Variants in NCF4 observed in about 807,000 individuals in gnomAD.
NCF4 encodes neutrophil cytosol factor 4.
NCF4 carries 30 observed loss-of-function variants against 41.7 expected under a neutral mutation model. The observed-to-expected ratio is 0.72, with a 90% CI of 0.54 to 0.97. The LOEUF is 0.97. NCF4 is among the 50% of genes least tolerant of loss of function. NCF4 has a pLI of 0.00. For missense variants in NCF4, 432 were observed against 460.9 expected (o/e 0.94, Z 0.57); for synonymous variants, 195 against 175.8 (o/e 1.11, Z -0.87).
In NCF4 at chr22:36,872,421, T is replaced by G. The variant is rs772249899; in HGVS notation, c.623T>G (p.Leu208Arg). Residue 208 changes from leucine (L) to arginine (R), a missense_variant, in exon 7 of 10, where the codon CTG becomes CGG. Coordinates refer to ENST00000248899, the MANE Select transcript of NCF4 (RefSeq NM_000631.5). ...CTCAGTCGGATCAACAAAGACTGGC[T>G]GGAGGTGAGTTCAGAAGTGAGGATG... is the stretch of plus-strand genomic sequence containing the variant. The part of the protein sequence containing the change: ...FLLSRINKDW[L>R]EGTVRGATGI... 6.2e-7 allele frequency: 1 copy of G among 1,602,768 alleles called. No individual in the cohort carries two copies. Among genetic ancestry groups the G allele is most frequent in the East Asian group, 2.2e-5 (1 of 44,832 alleles).
Position 36,867,520 on chromosome 22 carries a change from G to T in NCF4, c.342+58G>T, listed in dbSNP as rs1339830554. ...AAGGGCATGCAGTATTGGTGGGGGA[G>T]CCCACGTACCATCCCTGGGTATGGC... is the stretch of plus-strand genomic sequence containing the variant. On this transcript the variant is annotated intron_variant, in intron 4 of 9. Coordinates refer to ENST00000248899, the MANE Select transcript of NCF4 (RefSeq NM_000631.5). 60 of 1,569,630 alleles carry T rather than the reference G, an allele frequency of 3.8e-5. No individual in the cohort carries two copies. In the East Asian group the frequency reaches 1.3e-3, roughly 35 times the overall value.
At chr22:36,861,250 A>T (rs1266590103) in intron 1 of NCF4, 47 bp downstream of exon 1, 1 of 1,548,070 alleles carries the variant, frequency 6.5e-7, no homozygotes, top group Admixed American at 2.0e-5. Flanking sequence ...ACTGCTCCTC[A>T]TAGGCCTTAG....
At chr22:36,877,293 C>T (rs1940213685) in intron 9 of NCF4, among the ~76,000 whole-genome samples, 1 of 152,108 alleles carries the variant, frequency 6.6e-6, no homozygotes, top group Admixed American at 6.5e-5. Context: ...CATACTACCT[C>T]GCCCAGCTAA....
intron 9 of NCF4, among the ~76,000 whole-genome samples, chr22:36,876,681 T>C (rs1289011666): frequency 6.6e-6 from 1 of 152,172 alleles, no homozygotes; most frequent in Admixed American, 6.5e-5. Context: ...GCTACATCAT[T>C]AACATGGCCA....
Position 36,877,670 on chromosome 22 carries a change from C to G in NCF4, c.867C>G (p.Asp289Glu), listed in dbSNP as rs765893996. The change falls in exon 10 of 10, where the codon GAC becomes GAG. Residue 289 changes from aspartate to glutamate, a missense_variant. Transcript: ENST00000248899. ...QREDIALNYR[D>E]AEGDLVRLLS... ...AGGACATAGCTCTGAATTACCGGGA[C>G]GCTGAGGGGGATCTGGTTCGGCTGC... 1.2e-6 allele frequency: 2 copies of G among 1,614,174 alleles called. No individual in the cohort carries two copies. The highest frequency in any genetic ancestry group is 1.7e-6 in the Non-Finnish European group (2 of 1,180,046).
At chr22:36,873,671 T>G (rs1940132325) in intron 7 of NCF4, among the ~76,000 whole-genome samples, 1 of 152,136 alleles carries the variant, frequency 6.6e-6, no homozygotes, top group Non-Finnish European at 1.5e-5. Context: ...GAGTTTAGTT[T>G]CTTGGTCTGT....
Position 36,861,115 on chromosome 22 carries a change from C to T in NCF4, c.-57C>T. The T allele has an allele frequency of 6.5e-7, 1 of 1,549,304 alleles. No homozygotes were observed. Among genetic ancestry groups the T allele is most frequent in the South Asian group, 1.2e-5 (1 of 84,004 alleles). On this transcript the variant is annotated 5_prime_UTR_variant, in exon 1 of 10. Coordinates refer to ENST00000248899, the MANE Select transcript of NCF4 (RefSeq NM_000631.5). The stretch of plus-strand genomic sequence containing the variant: ...GGCTGGAGGAAGTGAGAGGTGAACT[C>T]AGCCTGGGACTGGCTGGGCGAGACT...
At chr22:36,868,694 C>T (rs2145712932) in intron 4 of NCF4, among the ~76,000 whole-genome samples, 1 of 152,202 alleles carries the variant, frequency 6.6e-6, no homozygotes, top group Admixed American at 6.5e-5. Flanking sequence ...GAAGAGAAGG[C>T]AGGAGGCGAG....
rs1247163153 is a variant in NCF4, at chr22:36,871,702, G to A, written c.521G>A (p.Arg174Lys). The change falls in exon 6 of 10, where the codon AGA (arginine) becomes AAA (lysine). Residue 174 changes from arginine to lysine, a missense_variant. Coordinates refer to ENST00000248899, the MANE Select transcript of NCF4 (RefSeq NM_000631.5). ...AGCGTTGACCGCATGGCAGCTCCGA[G>A]AGCAGAGGTAACCCCCGCCCCCACG... is the stretch of plus-strand genomic sequence containing the variant. ...GNSVDRMAAP[R>K]AEALFDFTGN... is the part of the protein sequence containing the mutation. The A allele has an allele frequency of 3.2e-6, 5 of 1,565,618 alleles. No individual in the cohort carries two copies. Among genetic ancestry groups the A allele is most frequent in the African/African-American group, 1.4e-5 (1 of 74,016 alleles).
At chr22:36,868,426 G>A (rs1456635649) in intron 4 of NCF4, among the ~76,000 whole-genome samples, 1 of 152,260 alleles carries the variant, frequency 6.6e-6, no homozygotes, top group East Asian at 1.9e-4. Flanking sequence ...AAAGTGCTTT[G>A]TAAACTGTGA....
rs1401177999 is a variant in NCF4 at position 36,875,685 on chromosome 22, T to C, written c.660T>C (p.Pro220=). 6.2e-7 allele frequency: 1 copy of C among 1,612,942 alleles called. No homozygotes were observed. Among genetic ancestry groups the C allele is most frequent in the Non-Finnish European group, 8.5e-7 (1 of 1,180,026 alleles). ...GTVRGATGIF[P]LSFVKILKDF... is the part of the protein sequence containing the mutation. ...TCCGGGGAGCCACGGGCATCTTCCC[T>C]CTCTCCTTCGTGAAGATCCTCAAAG... Residue 220 remains proline (P), a synonymous_variant, in exon 8 of 10, where the codon CCT becomes CCC. Coordinates refer to ENST00000248899, the MANE Select transcript of NCF4 (RefSeq NM_000631.5).
In NCF4 at chr22:36,870,469, T is replaced by C. The variant is rs1243354458; in HGVS notation, c.397T>C (p.Phe133Leu). Residue 133 changes from phenylalanine (F) to leucine (L), a missense_variant, in exon 5 of 10, where the codon TTT becomes CTT. By Grantham distance (22) the Phe-to-Leu change is conservative. Coordinates refer to ENST00000248899, the MANE Select transcript of NCF4 (RefSeq NM_000631.5). ...GATGGATGAGGACGTCCGGATCTTC[T>C]TTTACCAGTCGCCCTATGACTCAGA... ...VLMDEDVRIF[F>L]YQSPYDSEQV... 1.9e-6 allele frequency: 3 copies of C among 1,613,970 alleles called. No individual in the cohort carries two copies. The South Asian group carries it at 3.3e-5, about 18-fold the overall frequency.
rs1324769137 is a variant in NCF4, at chr22:36,877,797, T to G, written c.994T>G (p.Tyr332Asp). ...WKLHITQKDN[Y>D]RVYNTMP ...GCTGCACATCACGCAGAAGGACAAC[T>G]ACAGGGTCTACAACACGATGCCATG... Residue 332 changes from tyrosine to aspartate, a missense_variant, in exon 10 of 10, where the codon TAC (tyrosine) becomes GAC (aspartate). Physicochemically the swap from Tyr to Asp is radical, Grantham distance 160. Coordinates refer to ENST00000248899, the MANE Select transcript of NCF4 (RefSeq NM_000631.5). The G allele has an allele frequency of 6.2e-7, 1 of 1,613,880 alleles. No individual in the cohort carries two copies. The highest frequency in any genetic ancestry group is 1.7e-5 in the Admixed American group (1 of 60,000).
At chr22:36,867,141 G>GTGTGTGTA (rs1368071796) in intron 3 of NCF4, among the ~76,000 whole-genome samples, 1 of 151,726 alleles carries the variant, frequency 6.6e-6, no homozygotes, top group Non-Finnish European at 1.5e-5. Context: ...GTGTGTGTGT[G>GTGTGTGTA]TGCGCTTGGA....
At chr22:36,867,542 T>C in intron 4 of NCF4, 80 bp downstream of exon 4, 2 of 1,489,302 alleles carry the variant, frequency 1.3e-6, no homozygotes, top group Non-Finnish European at 1.9e-6. Flanking sequence ...TCCCTGGGTA[T>C]GGCTTTGGGA....
At chr22:36,869,814 T>A (rs1424791163) in intron 4 of NCF4, among the ~76,000 whole-genome samples, 1 of 152,240 alleles carries the variant, frequency 6.6e-6, no homozygotes, top group African/African-American at 2.4e-5. Context: ...TCTCCAAGCA[T>A]CAGTTTCCTC....
rs1939915552 is a variant in NCF4 at position 36,865,861 on chromosome 22, C to T, written c.271+789C>T. Among the ~76,000 whole-genome samples the T allele has an allele frequency of 6.6e-6, 1 of 152,084 alleles. No homozygotes were observed. The highest frequency in any genetic ancestry group is 2.1e-4 in the South Asian group (1 of 4,822). ...CTCTCTCTGTCTCAGCATATGACCC[C>T]GCTCCTTCTCATCCAGCCCCACCAA... On this transcript the variant is annotated intron_variant, in intron 3 of 9. Transcript: ENST00000248899. The surrounding 1 kb of genome is among the most constrained non-coding windows in gnomAD (Gnocchi z 4.3).
At chr22:36,862,819 TG>T (rs1939808552) in intron 1 of NCF4, among the ~76,000 whole-genome samples, 1 of 152,256 alleles carries the variant, frequency 6.6e-6, no homozygotes, top group African/African-American at 2.4e-5. Context: ...GCCTTAGGGG[TG>T]GCAAGTTCGG....
At chr22:36,861,829 A>G (rs2145697943) in intron 1 of NCF4, among the ~76,000 whole-genome samples, 1 of 152,314 alleles carries the variant, frequency 6.6e-6, no homozygotes, top group Middle Eastern at 3.4e-3. Flanking sequence ...GCTCATCCCT[A>G]TTGAGCACCA....
Sources: allele counts gnomAD v4.1 joint callset (sites outside exome capture counted in the v4.1 genomes callset), GRCh38; gene constraint gnomAD v4.1.1; non-coding constraint Gnocchi (gnomAD v3.1); transcripts MANE v1.5; gene names NCBI Gene and HGNC (gene_info 2026-07-23, HGNC 2026-07-21).